TBC1D19: variants seen among roughly 807,000 people sequenced by gnomAD.
TBC1D19 encodes TBC1 domain family member 19, also known as TBC1 domain family, member 19.
A neutral mutation model predicts 89.0 loss-of-function variants in TBC1D19; 60 were observed. That is an observed-to-expected ratio of 0.67 (90% CI 0.55 to 0.84). The LOEUF (loss-of-function observed/expected upper bound fraction) is 0.84. TBC1D19 is among the 40% of genes least tolerant of loss of function. The probability of loss-of-function intolerance (pLI) is 0.00; values close to 1 mark genes in which losing one functional copy is unlikely to be tolerated. For synonymous variants in TBC1D19, 189 were observed against 199.7 expected, an observed-to-expected ratio of 0.95 and a Z score of 0.45; for missense variants, 500 against 610.8, an observed-to-expected ratio of 0.82 and a Z score of 1.91.
chr4:26,744,503 A>G (rs1016894117), intron 18 of TBC1D19, among the ~76,000 whole-genome samples: 1 of 151,756 alleles, frequency 6.6e-6, no homozygotes, highest in African/African-American at 2.4e-5. Flanking sequence ...TTTTTCTAAT[A>G]TAAGCATTAA....
intron 1 of TBC1D19, among the ~76,000 whole-genome samples, chr4:26,593,167 G>A (rs1200896846): frequency 1.3e-5 from 2 of 151,958 alleles, no homozygotes; most frequent in Non-Finnish European, 2.9e-5. Flanking sequence ...CAGAACAGAG[G>A]CCTCAGAAAT....
intron 7 of TBC1D19, among the ~76,000 whole-genome samples, chr4:26,643,108 A>T (rs1743662866): frequency 6.6e-6 from 1 of 152,176 alleles, no homozygotes; most frequent in Admixed American, 6.5e-5. Flanking sequence ...CTCCACCCCA[A>T]ATCAACAGAA....
At chr4:26,711,258 C>A (rs1037400719) in intron 13 of TBC1D19, among the ~76,000 whole-genome samples, 14 of 152,036 alleles carry the variant, frequency 9.2e-5, no homozygotes, top group South Asian at 4.1e-4. Flanking sequence ...GCCAGTTTTC[C>A]CAGCACCATT....
At chr4:26,701,568 T>C (rs541183400) in intron 13 of TBC1D19, among the ~76,000 whole-genome samples, 32 of 152,272 alleles carry the variant, frequency 2.1e-4, no homozygotes, top group African/African-American at 7.0e-4. Context: ...TTTTCATTAT[T>C]GAGAAGGAAG....
chr4:26,593,184 A>G (rs1392116352), intron 1 of TBC1D19, among the ~76,000 whole-genome samples: 1 of 152,164 alleles, frequency 6.6e-6, no homozygotes, highest in African/African-American at 2.4e-5. Context: ...AAATAATGCC[A>G]CATATCTACA....
At chr4:26,802,564 TGCAC>T in the TBC1D19 span, among the ~76,000 whole-genome samples, 2 of 152,224 alleles carry the variant, frequency 1.3e-5, no homozygotes, top group Non-Finnish European at 1.5e-5. Flanking sequence ...ATCTCACCAC[TGCAC>T]TCCAGCCTGG....
At chr4:26,750,747 A>G (rs1718905516) in intron 19 of TBC1D19, among the ~76,000 whole-genome samples, 1 of 152,240 alleles carries the variant, frequency 6.6e-6, no homozygotes, top group East Asian at 1.9e-4. Flanking sequence ...ATGGAACTAG[A>G]CTGAAGGAAG....
the TBC1D19 span, among the ~76,000 whole-genome samples, chr4:26,762,939 T>C: frequency 6.6e-6 from 1 of 152,206 alleles, no homozygotes; most frequent in Non-Finnish European, 1.5e-5. Context: ...TGTAGGACTT[T>C]TGACCTCCAG....
chr4:26,659,650 C>A lies in TBC1D19; in HGVS notation c.534C>A (p.Phe178Leu). ...PNYENGDSLS[F>L]RTHLGLIQVP... is the part of the protein sequence containing the mutation. ...ATGAAAACGGTGATTCTCTTAGTTT[C>A]AGGACTCATTTGGGTTTAATTCAAG... The change falls in exon 8 of 21, where the codon TTC becomes TTA. Residue 178 changes from phenylalanine to leucine, a missense_variant. Transcript: ENST00000264866. 1 of 1,595,280 alleles carries A rather than the reference C, an allele frequency of 6.3e-7. No individual in the cohort carries two copies.
chr4:26,843,265 C>T, the TBC1D19 span, among the ~76,000 whole-genome samples: 1 of 152,140 alleles, frequency 6.6e-6, no homozygotes, highest in Non-Finnish European at 1.5e-5. Context: ...TGGTTAAGGT[C>T]CATACATATC....
intron 11 of TBC1D19, among the ~76,000 whole-genome samples, chr4:26,682,524 T>C (rs184091297): frequency 1.7e-3 from 259 of 152,274 alleles, no homozygotes; most frequent in African/African-American, 6.1e-3. Context: ...CCTCCTTGTC[T>C]CAGACGACCC....
chr4:26,797,869 TCTC>T, the TBC1D19 span, among the ~76,000 whole-genome samples: 1 of 152,020 alleles, frequency 6.6e-6, no homozygotes, highest in Non-Finnish European at 1.5e-5. Context: ...TGGATCCCTA[TCTC>T]TCACCATATA....
At chr4:26,677,027 C>T (rs918628273) in intron 11 of TBC1D19, among the ~76,000 whole-genome samples, 43 of 152,180 alleles carry the variant, frequency 2.8e-4, no homozygotes, top group African/African-American at 9.9e-4. Context: ...AACCTAAGCA[C>T]TCGTGTATCT....
At chr4:26,673,705 A>G (rs2109112585) in intron 10 of TBC1D19, 71 bp from the exon 11 acceptor site, 6 of 958,680 alleles carry the variant, frequency 6.3e-6, no homozygotes, top group South Asian at 2.8e-5. Context: ...CAAAAGATTT[A>G]TAATTGAAGA....
the TBC1D19 span, among the ~76,000 whole-genome samples, chr4:26,851,939 GA>G: frequency 6.6e-6 from 1 of 152,216 alleles, no homozygotes; most frequent in Non-Finnish European, 1.5e-5. Flanking sequence ...TATGTCTGGG[GA>G]AAATGTAAAC....
chr4:26,748,415 C>T lies in TBC1D19; in HGVS notation c.1324C>T (p.Arg442Cys), dbSNP rs760724863. 16 of 1,610,502 alleles carry T rather than the reference C, an allele frequency of 9.9e-6. No individual in the cohort carries two copies. The highest frequency in any genetic ancestry group is 3.3e-5 in the Admixed American group (2 of 59,756). Residue 442 changes from arginine (R) to cysteine (C), a missense_variant, in exon 19 of 21, where the codon CGC becomes TGC. Arg to Cys is a radical substitution (Grantham distance 180). This residue lies in a region of TBC1D19 where 220 missense variants were observed against 319.1 expected (regional missense o/e 0.69). Transcript: ENST00000264866. ...TTTATTTTTCCTTGCTTATAGACTTCGCATATCATTTAAGTGGATGGTTCG... is the reference window on the plus strand; with the variant it reads ...TTTATTTTTCCTTGCTTATAGACTTTGCATATCATTTAAGTGGATGGTTCG... ...HLREIGAQPL[R>C]ISFKWMVRAF...
the TBC1D19 span, among the ~76,000 whole-genome samples, chr4:26,837,914 A>T: frequency 1.3e-5 from 2 of 152,312 alleles, no homozygotes; most frequent in Admixed American, 6.5e-5. Flanking sequence ...TTATAAAAAA[A>T]TTGGACATTT....
upstream of TBC1D19, among the ~76,000 whole-genome samples, chr4:26,580,343 GA>G (rs1313882956): frequency 6.6e-6 from 1 of 152,184 alleles, no homozygotes; most frequent in Non-Finnish European, 1.5e-5. Context: ...GTAGCACCCA[GA>G]AAAGCACCCT....
the TBC1D19 span, among the ~76,000 whole-genome samples, chr4:26,767,103 A>C: frequency 6.6e-6 from 1 of 152,070 alleles, no homozygotes; most frequent in East Asian, 1.9e-4. Flanking sequence ...CCAGGAGTTC[A>C]AGGCTGTAAT....
Sources: allele counts gnomAD v4.1 joint callset (sites outside exome capture counted in the v4.1 genomes callset), GRCh38; gene constraint gnomAD v4.1.1; regional missense constraint gnomAD v4.1.1; transcripts MANE v1.5; gene names NCBI Gene and HGNC (gene_info 2026-07-23, HGNC 2026-07-21).